Variants in EML5 observed in about 807,000 individuals in gnomAD.
The protein encoded by EML5 is echinoderm microtubule-associated protein-like 5.
Under a neutral mutation model 250.0 loss-of-function variants are expected in EML5, and 120 were observed. That is an observed-to-expected ratio of 0.48 (90% confidence interval 0.41 to 0.56). EML5 has a LOEUF of 0.56. EML5 is among the 20% of genes least tolerant of loss of function. The pLI is 0.00. For missense variants in EML5, 2,006 were observed against 2,437.6 expected (o/e 0.82, Z 3.73); for synonymous variants, 771 against 806.5 (o/e 0.96, Z 0.75).
At chr14:88,759,698 A>AAAAAAAAAAAAAAAAAAAAAAAAAC (rs758968634) in intron 1 of EML5, among the ~76,000 whole-genome samples, 12 of 142,104 alleles carry the variant, frequency 8.4e-5, no homozygotes, top group African/African-American at 2.7e-4. Flanking sequence ...AAAAAAAAAA[A>AAAAAAAAAAAAAAAAAAAAAAAAAC]AAAAAACTGG....
intron 21 of EML5, among the ~76,000 whole-genome samples, chr14:88,674,272 AAACAAC>A (rs57011514): frequency 0.01 from 1,555 of 152,226 alleles, 23 homozygotes; most frequent in African/African-American, 0.036. Context: ...TTCATCTCAA[AAACAAC>A]AACAACAACA....
intron 31 of EML5, among the ~76,000 whole-genome samples, chr14:88,640,540 A>G (rs2091005508): frequency 6.6e-6 from 1 of 152,218 alleles, no homozygotes; most frequent in African/African-American, 2.4e-5. Flanking sequence ...AATCTTTGGC[A>G]TGTAGCAAAA....
rs77311488 is a variant in EML5, at chr14:88,668,270, C to T, written c.3125-2781G>A. Among the ~76,000 whole-genome samples the T allele has an allele frequency of 5.3e-3, 803 of 152,144 alleles. 3 individuals are homozygous for T. Among genetic ancestry groups the T allele is most frequent in the African/African-American group, 0.018 (760 of 41,492 alleles). ...CGACTGAATCTAAAGTGTGAGTGTACATATGAAAAGAAAAGTCCGGGGAGA... is the reference window on the plus strand; with the variant it reads ...CGACTGAATCTAAAGTGTGAGTGTATATATGAAAAGAAAAGTCCGGGGAGA... On this transcript the variant is annotated intron_variant, in intron 21 of 43. Transcript: ENST00000554922.
chr14:88,652,375 C>T (rs1024276183), intron 27 of EML5, among the ~76,000 whole-genome samples: 1 of 152,126 alleles, frequency 6.6e-6, no homozygotes, highest in African/African-American at 2.4e-5. Flanking sequence ...AGTCAATTTA[C>T]AAGATCTCTC....
rs1295354663 is a variant in EML5, at chr14:88,738,973, A to G, written c.753T>C (p.Ala251=). 2.5e-6 allele frequency: 4 copies of G among 1,609,630 alleles called. No homozygotes were observed. The highest frequency in any genetic ancestry group is 3.4e-6 in the Non-Finnish European group (4 of 1,178,260). Residue 251 remains alanine, a synonymous_variant, in exon 6 of 44, where the codon GCT becomes GCC. Coordinates refer to ENST00000554922, the MANE Select transcript of EML5 (RefSeq NM_183387.3). ...FSMNACEEGF[A]TGGRDGCIRL... is the part of the protein sequence containing the mutation. Reference sequence around the variant, plus strand: ...GAATACAACCATCTCTGCCACCAGTAGCAAAGCCTTCTTCACAAGCATTCA... The same window carrying G: ...GAATACAACCATCTCTGCCACCAGTGGCAAAGCCTTCTTCACAAGCATTCA...
At chr14:88,776,692 G>A (rs1449275147) in intron 1 of EML5, among the ~76,000 whole-genome samples, 2 of 150,018 alleles carry the variant, frequency 1.3e-5, no homozygotes, top group Non-Finnish European at 2.9e-5. Context: ...ACCAACGTGC[G>A]TAACATGGCA....
Position 88,627,994 on chromosome 14 carries a change from G to C in EML5, c.4358-175C>G, listed in dbSNP as rs142192304. On this transcript the variant is annotated intron_variant, in intron 33 of 43. Transcript: ENST00000554922. ...ATTTAAGAAAGGAAAAGGAGTTTTG[G>C]GGGTGGGGAGGAAAGAAAAGGAAAA... The C allele has an allele frequency of 5.1e-4, 362 of 711,794 alleles. 1 individual carries two copies. The African/African-American group carries it at 5.1e-3, about 10-fold the overall frequency. The allele number at this position is 711,794 out of a possible 1,614,324, so 44.1% of individuals were successfully genotyped here.
chr14:88,699,278 A>G (rs946954137), intron 14 of EML5, among the ~76,000 whole-genome samples: 2 of 151,696 alleles, frequency 1.3e-5, no homozygotes, highest in Non-Finnish European at 3.0e-5. Flanking sequence ...GACAAATTCT[A>G]TCTATCTCAG....
At chr14:88,622,494 T>C (rs1397366955) in intron 37 of EML5, 110 bp downstream of exon 37, 10 of 827,004 alleles carry the variant, frequency 1.2e-5, no homozygotes, top group Non-Finnish European at 1.0e-5. Flanking sequence ...AGCAAATCCA[T>C]CGTTATGCAT....
At chr14:88,657,276 T>G (rs1237228887) in intron 27 of EML5, 100 bp downstream of exon 27, 1 of 1,162,584 alleles carries the variant, frequency 8.6e-7, no homozygotes, top group African/African-American at 1.6e-5. Context: ...AGCAAGAATA[T>G]CACTGTTACT....
Position 88,657,422 on chromosome 14 carries a change from C to T in EML5, c.3958G>A (p.Gly1320Arg). 6.3e-7 allele frequency: 1 copy of T among 1,597,136 alleles called. No individual in the cohort carries two copies. The highest frequency in any genetic ancestry group is 2.2e-5 in the East Asian group (1 of 44,510). Residue 1320 changes from glycine to arginine, a missense_variant, in exon 27 of 44, where the codon GGA (glycine) becomes AGA (arginine). Physicochemically the swap from Gly to Arg is moderately radical, Grantham distance 125. Coordinates refer to ENST00000554922, the MANE Select transcript of EML5 (RefSeq NM_183387.3). Reference protein sequence around the residue: ...ALSTNIRPMLGIKPHLQQKEP... With the variant: ...ALSTNIRPMLRIKPHLQQKEP... ...TTTTGTTGTAAATGAGGCTTGATTC[C>T]TAACATTGGGCGAATATTTGTTGAT...
chr14:88,626,929 A>G lies in EML5; in HGVS notation c.4649T>C (p.Leu1550Pro). Residue 1550 changes from leucine to proline, a missense_variant, in exon 35 of 44, where the codon CTG (leucine) becomes CCG (proline). This residue lies in a region of EML5 where 405 missense variants were observed against 523.3 expected (regional missense o/e 0.77). Coordinates refer to ENST00000554922, the MANE Select transcript of EML5 (RefSeq NM_183387.3). ...TTTGCTAAGAAGAGCTCTTCCTGCCAGGGTCCAGAACTTCACATGTTTTAC... is the reference window on the plus strand; with the variant it reads ...TTTGCTAAGAAGAGCTCTTCCTGCCGGGGTCCAGAACTTCACATGTTTTAC... ...VGVKHVKFWTLAGRALLSKKG... is the reference protein window; with the variant it reads ...VGVKHVKFWTPAGRALLSKKG... 6.2e-7 allele frequency: 1 copy of G among 1,614,006 alleles called. No individual in the cohort carries two copies. The highest frequency in any genetic ancestry group is 8.5e-7 in the Non-Finnish European group (1 of 1,179,884).
At chr14:88,765,380 G>A (rs1169995163) in intron 1 of EML5, among the ~76,000 whole-genome samples, 1 of 152,162 alleles carries the variant, frequency 6.6e-6, no homozygotes, top group Admixed American at 6.5e-5. Flanking sequence ...CCTGCTGGCT[G>A]TCAAGGGGGA....
At chr14:88,622,565 G>A in intron 37 of EML5, 39 bp downstream of exon 37, 1 of 1,469,034 alleles carries the variant, frequency 6.8e-7, no homozygotes, top group Non-Finnish European at 9.1e-7. Context: ...ACCACTTTCT[G>A]TTTTCTGCTG....
At position 88,638,832 on chromosome 14, in the gene EML5, T is replaced by C. The variant is rs533430703; in HGVS notation, c.4313A>G (p.Asn1438Ser). The C allele has an allele frequency of 6.9e-6, 11 of 1,594,300 alleles. No homozygotes were observed. In the African/African-American group the frequency reaches 8.0e-5, roughly 12 times the overall value. The change falls in exon 32 of 44, where the codon AAC (asparagine) becomes AGC (serine). Residue 1438 changes from asparagine (N) to serine (S), a missense_variant. Physicochemically the swap from Asn to Ser is conservative, Grantham distance 46. Coordinates refer to ENST00000554922, the MANE Select transcript of EML5 (RefSeq NM_183387.3). ...ACCTACTTGGCCAGTTGCCACTATG[T>C]TGATAAATTTGGGGTGCTGGTTTAC... ...LTVNQHPKFI[N>S]IVATGQVGDS...
chr14:88,665,908 A>G (rs889192442), intron 21 of EML5, among the ~76,000 whole-genome samples: 2 of 135,410 alleles, frequency 1.5e-5, no homozygotes, highest in African/African-American at 6.2e-5. Context: ...ACCTTGCCTC[A>G]AAAAAAAAAA....
In EML5 at chr14:88,745,255, T is replaced by C. The variant is rs572313993; in HGVS notation, c.456+930A>G. Among the ~76,000 whole-genome samples, 430 of 151,822 alleles carry C rather than the reference T, an allele frequency of 2.8e-3. 4 individuals are homozygous for C. Among genetic ancestry groups the C allele is most frequent in the African/African-American group, 9.9e-3 (411 of 41,376 alleles). ...AAATGTATTCTCCAAAATGCGAATA[T>C]ACACAAAATTTTCTACCCAACTTTT... On this transcript the variant is annotated intron_variant, in intron 3 of 43. Coordinates refer to ENST00000554922, the MANE Select transcript of EML5 (RefSeq NM_183387.3).
intron 25 of EML5, among the ~76,000 whole-genome samples, chr14:88,660,669 G>A (rs972049750): frequency 1.3e-5 from 2 of 151,946 alleles, no homozygotes; most frequent in Non-Finnish European, 2.9e-5. Context: ...CTTGAACCCG[G>A]GAGGTGGAGG....
intron 6 of EML5, among the ~76,000 whole-genome samples, chr14:88,737,805 G>T (rs1362315771): frequency 1.3e-5 from 2 of 152,002 alleles, no homozygotes; most frequent in Non-Finnish European, 2.9e-5. Flanking sequence ...ATGTCTACTT[G>T]CTCAGCCAGT....
Sources: gnomAD v4.1 joint callset for allele counts (sites outside exome capture counted in the v4.1 genomes callset) on GRCh38, gnomAD v4.1.1 for gene constraint, gnomAD v4.1.1 regional missense constraint, MANE v1.5 for transcripts, NCBI Gene and HGNC (gene_info 2026-07-23, HGNC 2026-07-21) for gene names.